The following PGCKA1 variants were observed in gnomAD, a reference collection of about 807,000 sequenced individuals.
PGCKA1 encodes the protein PDCD10 and GCKIII kinases-associated protein 1.
chr4:37,479,268 CT>C, the PGCKA1 span, among the ~76,000 whole-genome samples: 1 of 152,152 alleles, frequency 6.6e-6, no homozygotes, highest in African/African-American at 2.4e-5. Context: ...CTATATTCAG[CT>C]TTTCAGATGG....
At chr4:37,523,422 C>T in the PGCKA1 span, among the ~76,000 whole-genome samples, 9 of 151,246 alleles carry the variant, frequency 6.0e-5, no homozygotes, top group African/African-American at 1.9e-4. Context: ...TTGCCTCTTT[C>T]AGCAATGGAA....
the PGCKA1 span, among the ~76,000 whole-genome samples, chr4:37,500,141 G>A: frequency 6.6e-6 from 1 of 151,982 alleles, no homozygotes; most frequent in East Asian, 1.9e-4. Flanking sequence ...AGCCAGGATG[G>A]TCTTGATCTG....
the PGCKA1 span, among the ~76,000 whole-genome samples, chr4:37,584,740 C>T: frequency 3.8e-3 from 575 of 152,202 alleles, 1 homozygote; most frequent in African/African-American, 0.013. Flanking sequence ...GGTCAGCCTC[C>T]GAGGAGCTGG....
chr4:37,578,995 T>C, the PGCKA1 span, among the ~76,000 whole-genome samples: 1 of 152,182 alleles, frequency 6.6e-6, no homozygotes, highest in South Asian at 2.1e-4. Flanking sequence ...GAGGCGGAGG[T>C]TGCAGTGAGC....
chr4:37,488,593 A>G, the PGCKA1 span, among the ~76,000 whole-genome samples: 7 of 152,222 alleles, frequency 4.6e-5, no homozygotes, highest in African/African-American at 1.4e-4. Flanking sequence ...CTTGCATTCT[A>G]CTGTCTGAAT....
At chr4:37,466,529 G>A in the PGCKA1 span, among the ~76,000 whole-genome samples, 3 of 152,288 alleles carry the variant, frequency 2.0e-5, no homozygotes, top group East Asian at 5.8e-4. Context: ...ATCCCTGGCT[G>A]CTGTGTAGGA....
the PGCKA1 span, among the ~76,000 whole-genome samples, chr4:37,521,106 G>T: frequency 6.6e-6 from 1 of 151,220 alleles, no homozygotes; most frequent in Non-Finnish European, 1.5e-5. Flanking sequence ...ACTAATTTTG[G>T]ATTTGGTTTG....
chr4:37,477,694 A>G, the PGCKA1 span, among the ~76,000 whole-genome samples: 1 of 152,138 alleles, frequency 6.6e-6, no homozygotes. Flanking sequence ...ATGCCAACCA[A>G]TCCCTAGGCT....
At chr4:37,582,822 G>C in the PGCKA1 span, among the ~76,000 whole-genome samples, 9 of 149,720 alleles carry the variant, frequency 6.0e-5, no homozygotes, top group Admixed American at 2.0e-4. Flanking sequence ...AATCATATGG[G>C]GGGGAGCTAC....
chr4:37,508,885 A>AT, the PGCKA1 span, among the ~76,000 whole-genome samples: 1 of 145,178 alleles, frequency 6.9e-6, no homozygotes. Context: ...ATGACTCTTA[A>AT]GGAGCATGCT....
the PGCKA1 span, among the ~76,000 whole-genome samples, chr4:37,468,376 G>C: frequency 6.6e-6 from 1 of 152,234 alleles, no homozygotes; most frequent in East Asian, 1.9e-4. Context: ...CTCCTCCTTT[G>C]ACCGAAATGA....
chr4:37,554,188 C>T, the PGCKA1 span, among the ~76,000 whole-genome samples: 3 of 152,184 alleles, frequency 2.0e-5, no homozygotes, highest in Non-Finnish European at 4.4e-5. Flanking sequence ...TGTGCCTTTG[C>T]ATCTGCTTCA....
the PGCKA1 span, among the ~76,000 whole-genome samples, chr4:37,522,565 T>C: frequency 6.6e-6 from 1 of 152,008 alleles, no homozygotes; most frequent in East Asian, 1.9e-4. Context: ...TCCTGAGTAC[T>C]CTACCCTCTA....
the PGCKA1 span, among the ~76,000 whole-genome samples, chr4:37,484,050 A>G: frequency 6.6e-6 from 1 of 152,134 alleles, no homozygotes; most frequent in Non-Finnish European, 1.5e-5. Context: ...CACTCATCCC[A>G]TTACCAGCTG....
the PGCKA1 span, among the ~76,000 whole-genome samples, chr4:37,529,960 T>G: frequency 6.6e-6 from 1 of 152,364 alleles, no homozygotes; most frequent in African/African-American, 2.4e-5. Flanking sequence ...TTTTTGTATT[T>G]GCATTGTTTT....
chr4:37,578,916 G>C, the PGCKA1 span, among the ~76,000 whole-genome samples: 5 of 152,018 alleles, frequency 3.3e-5, no homozygotes, highest in Non-Finnish European at 7.4e-5. Flanking sequence ...AAATTAGCGA[G>C]GCATGGTGGT....
the PGCKA1 span, among the ~76,000 whole-genome samples, chr4:37,538,460 A>G: frequency 6.6e-6 from 1 of 152,226 alleles, no homozygotes; most frequent in African/African-American, 2.4e-5. Context: ...TGGGCCCCTG[A>G]TGCTAAAAGA....
the PGCKA1 span, among the ~76,000 whole-genome samples, chr4:37,497,162 A>G: frequency 1.3e-5 from 2 of 152,086 alleles, no homozygotes; most frequent in Admixed American, 6.6e-5. Context: ...TAGCTCCCAC[A>G]TATCACTGAG....
the PGCKA1 span, among the ~76,000 whole-genome samples, chr4:37,547,120 G>A: frequency 1.3e-5 from 2 of 152,024 alleles, no homozygotes; most frequent in African/African-American, 2.4e-5. Context: ...TGCCTTTATC[G>A]GCACTTTGGT....
Sources: gnomAD v4.1 joint callset for allele counts (sites outside exome capture counted in the v4.1 genomes callset) on GRCh38, gnomAD v4.1.1 for gene constraint, MANE v1.5 for transcripts, NCBI Gene and HGNC (gene_info 2026-07-23, HGNC 2026-07-21) for gene names.